Variants in MED27 observed in about 807,000 individuals in gnomAD.
The protein encoded by MED27 is mediator complex subunit 27.
In MED27, 30 loss-of-function variants were observed where a neutral mutation model predicts 38.2. That is an observed-to-expected ratio of 0.79 (90% CI 0.59 to 1.07). MED27 has a LOEUF of 1.07. Among genes scored for constraint, MED27 ranks in the 50% least tolerant of loss-of-function variants. MED27 has a pLI of 0.00. For synonymous variants in MED27, 122 were observed against 153.5 expected (o/e 0.79, Z 1.52); for missense variants, 289 against 397.5 (o/e 0.73, Z 2.32).
chr9:131,880,470 A>G (rs1183657152), intron 6 of MED27, among the ~76,000 whole-genome samples: 1 of 152,240 alleles, frequency 6.6e-6, no homozygotes, highest in African/African-American at 2.4e-5. Flanking sequence ...TTAATCTGGT[A>G]CAGGTCAATA....
Position 131,893,988 on chromosome 9 carries a change from G to T in MED27, c.578C>A (p.Thr193Asn), listed in dbSNP as rs1324713195. 6.2e-7 allele frequency: 1 copy of T among 1,613,742 alleles called. No individual in the cohort carries two copies. The highest frequency in any genetic ancestry group is 8.5e-7 in the Non-Finnish European group (1 of 1,179,722). Residue 193 changes from threonine to asparagine, a missense_variant, in exon 5 of 8, where the codon ACC becomes AAC. Thr to Asn is a moderately conservative substitution (Grantham distance 65). Transcript: ENST00000292035. ...PNGTSAMLLVTLGKVLKVIVV... is the reference protein window; with the variant it reads ...PNGTSAMLLVNLGKVLKVIVV... ...GATCACTTTCAACACCTTTCCCAAG[G>T]TCACCTGCCAAAACACATGTAAGCT...
chr9:131,991,707 CATTT>C lies in MED27; in HGVS notation c.479+22626_479+22629del, dbSNP rs1017695657. On this transcript the variant is annotated intron_variant, in intron 3 of 7. Transcript: ENST00000292035. Reference sequence around the variant, plus strand: ...TTTTCAGTGTCTTGGAGATATCAATCATTTATTTATTTGTTTGTTTATTTATTTA... The same window carrying C: ...TTTTCAGTGTCTTGGAGATATCAATCATTTATTTGTTTGTTTATTTATTTA... Among the ~76,000 whole-genome samples the C allele has an allele frequency of 2.0e-4, 31 of 152,172 alleles. 2 individuals carry two copies. Among genetic ancestry groups the C allele is most frequent in the Admixed American group, 8.5e-4 (13 of 15,278 alleles).
intron 4 of MED27, among the ~76,000 whole-genome samples, chr9:131,936,132 CAAAAAAAAAAA>C (rs748150201): frequency 1.2e-5 from 1 of 84,306 alleles, no homozygotes; most frequent in Non-Finnish European, 2.4e-5. Context: ...GACCCTGTCT[CAAAAAAAAAAA>C]AAAAAAAGAA....
chr9:131,893,766 A>C (rs1829767279), intron 5 of MED27, 119 bp downstream of exon 5: 5 of 694,620 alleles, frequency 7.2e-6, no homozygotes, highest in Non-Finnish European at 7.7e-6. Flanking sequence ...TGACAAATCT[A>C]TGTTTGCTGA....
rs1336443263 is a variant in MED27 at position 132,068,657 on chromosome 9, G to C, written c.348+8785C>G. Among the ~76,000 whole-genome samples the C allele has an allele frequency of 2.0e-5, 3 of 152,292 alleles. No individual in the cohort carries two copies. In the East Asian group the frequency reaches 5.8e-4, roughly 29 times the overall value. On this transcript the variant is annotated intron_variant, in intron 2 of 7. Transcript: ENST00000292035. ...AGCGACGGATGACACCCAGGGATCTGGGTAGGTGGCTGGCTAAGGCATCCC... is the reference window on the plus strand; with the variant it reads ...AGCGACGGATGACACCCAGGGATCTCGGTAGGTGGCTGGCTAAGGCATCCC...
chr9:132,015,718 G>A (rs990811300), intron 2 of MED27, among the ~76,000 whole-genome samples: 15 of 152,088 alleles, frequency 9.9e-5, no homozygotes, highest in South Asian at 2.1e-4. Context: ...CCAATTTGAC[G>A]TGTGACAATA....
At position 131,923,099 on chromosome 9, in the gene MED27, G is replaced by T. The variant is rs115376777; in HGVS notation, c.573+16282C>A. Among the ~76,000 whole-genome samples, 1,208 of 152,230 alleles carry T rather than the reference G, an allele frequency of 7.9e-3. 12 individuals carry two copies. The highest frequency in any genetic ancestry group is 0.028 in the African/African-American group (1,147 of 41,526). On this transcript the variant is annotated intron_variant, in intron 4 of 7. Transcript: ENST00000292035. ...TGATAGTTGTGCTCACTGTTGCTGG[G>T]GTCTCACTGCTTCTAGACCTTCTCA...
intron 3 of MED27, among the ~76,000 whole-genome samples, chr9:131,961,192 A>G (rs1469514190): frequency 6.6e-6 from 1 of 152,198 alleles, no homozygotes; most frequent in African/African-American, 2.4e-5. Context: ...CCACTGGGCA[A>G]CAGTCTTGAC....
In MED27 at chr9:131,941,498, G is replaced by C. The variant is rs527564945; in HGVS notation, c.480-2024C>G. Among the ~76,000 whole-genome samples the C allele has an allele frequency of 7.9e-5, 12 of 152,178 alleles. No individual in the cohort carries two copies. In the East Asian group the frequency reaches 2.3e-3, roughly 29 times the overall value. On this transcript the variant is annotated intron_variant, in intron 3 of 7. Transcript: ENST00000292035. ...TTTTCCTTAGAGAATGTTATGTCGA[G>C]TTTTAAAACTTTAAGCTGAAGAAGG...
chr9:131,894,145 A>G (rs1428319072), intron 4 of MED27, among the ~76,000 whole-genome samples, 153 bp from the exon 5 acceptor site: 1 of 152,218 alleles, frequency 6.6e-6, no homozygotes, highest in South Asian at 2.1e-4. Context: ...TGAACTCTCA[A>G]TAACAGCAAG....
At chr9:131,915,529 T>C (rs774598078) in intron 4 of MED27, among the ~76,000 whole-genome samples, 52 of 152,296 alleles carry the variant, frequency 3.4e-4, no homozygotes, top group Non-Finnish European at 7.4e-4. Context: ...ACCCAGATTA[T>C]TTACAAAGGA....
At chr9:132,007,091 C>A (rs1832374480) in intron 3 of MED27, among the ~76,000 whole-genome samples, 1 of 152,238 alleles carries the variant, frequency 6.6e-6, no homozygotes, top group Non-Finnish European at 1.5e-5. Context: ...CAAAGGCAAT[C>A]TGTTGTTCAA....
At chr9:131,986,999 A>AATTT (rs1831864531) in intron 3 of MED27, among the ~76,000 whole-genome samples, 1 of 46,224 alleles carries the variant, frequency 2.2e-5, no homozygotes, top group African/African-American at 8.7e-5. Flanking sequence ...GAGTTCATGG[A>AATTT]TTTTTTTTTT....
chr9:131,966,015 G>A (rs1055191295), intron 3 of MED27, among the ~76,000 whole-genome samples: 1 of 150,400 alleles, frequency 6.6e-6, no homozygotes, highest in African/African-American at 2.5e-5. Flanking sequence ...TCGCAACCAT[G>A]CGCATCCCAG....
At chr9:131,942,600 A>C (rs180835723) in intron 3 of MED27, among the ~76,000 whole-genome samples, 13 of 152,346 alleles carry the variant, frequency 8.5e-5, no homozygotes, top group Admixed American at 2.0e-4. Context: ...GACAGCAGAA[A>C]GCAGATGAAT....
At chr9:131,930,999 A>G (rs1783769857) in intron 4 of MED27, among the ~76,000 whole-genome samples, 1 of 152,170 alleles carries the variant, frequency 6.6e-6, no homozygotes, top group Non-Finnish European at 1.5e-5. Context: ...TAATCCCAGC[A>G]CTTTGGGAAG....
At chr9:132,062,675 T>C (rs1367275526) in intron 2 of MED27, among the ~76,000 whole-genome samples, 2 of 151,458 alleles carry the variant, frequency 1.3e-5, no homozygotes, top group East Asian at 3.9e-4. Flanking sequence ...TGGAGTACAG[T>C]GGGGTGATCA....
chr9:131,977,058 T>A (rs1309607274), intron 3 of MED27, among the ~76,000 whole-genome samples: 1 of 152,204 alleles, frequency 6.6e-6, no homozygotes, highest in Non-Finnish European at 1.5e-5. Flanking sequence ...TTGAACAGAA[T>A]TTTTTATGGC....
At chr9:132,027,436 C>T (rs1304084593) in intron 2 of MED27, among the ~76,000 whole-genome samples, 1 of 152,228 alleles carries the variant, frequency 6.6e-6, no homozygotes, top group Non-Finnish European at 1.5e-5. Flanking sequence ...CCTCCTGACT[C>T]GCCTCTGCTC....
Sources: gnomAD v4.1 joint callset for allele counts (sites outside exome capture counted in the v4.1 genomes callset) on GRCh38, gnomAD v4.1.1 for gene constraint, MANE v1.5 for transcripts, NCBI Gene and HGNC (gene_info 2026-07-23, HGNC 2026-07-21) for gene names.